Variants in PPP3CA observed in about 807,000 individuals in gnomAD.
PPP3CA encodes protein phosphatase 3 catalytic subunit alpha.
PPP3CA carries 14 observed loss-of-function variants against 66.5 expected under a neutral mutation model. That is an observed-to-expected ratio of 0.21 (90% CI 0.14 to 0.33). PPP3CA has a LOEUF of 0.33. PPP3CA is among the 10% of genes least tolerant of loss of function. PPP3CA has a pLI of 1.00. For synonymous variants in PPP3CA, 232 were observed against 226.2 expected (o/e 1.03, Z -0.23); for missense variants, 317 against 639.5 (o/e 0.50, Z 5.44).
chr4:101,231,012 A>G (rs1286677449), intron 1 of PPP3CA, among the ~76,000 whole-genome samples: 2 of 151,716 alleles, frequency 1.3e-5, no homozygotes, highest in African/African-American at 2.4e-5. Flanking sequence ...TCCAGGGTAC[A>G]CATGGGTATG....
chr4:101,285,128 C>A (rs1319695590), intron 1 of PPP3CA, among the ~76,000 whole-genome samples: 1 of 151,998 alleles, frequency 6.6e-6, no homozygotes, highest in African/African-American at 2.4e-5. Flanking sequence ...CTGTCTCACA[C>A]CTCAATGCAC....
chr4:101,342,048 C>T (rs967448055), intron 1 of PPP3CA, among the ~76,000 whole-genome samples: 1 of 152,048 alleles, frequency 6.6e-6, no homozygotes, highest in Non-Finnish European at 1.5e-5. Flanking sequence ...AGGCCAATTA[C>T]AAAAGTTATA....
chr4:101,341,999 C>T (rs1459777692), intron 1 of PPP3CA, among the ~76,000 whole-genome samples: 1 of 151,990 alleles, frequency 6.6e-6, no homozygotes, highest in Non-Finnish European at 1.5e-5. Flanking sequence ...TTCAAATTTA[C>T]ACATAGCTGA....
At chr4:101,070,209 A>G (rs1217220498) in intron 8 of PPP3CA, among the ~76,000 whole-genome samples, 2 of 152,164 alleles carry the variant, frequency 1.3e-5, no homozygotes, top group East Asian at 3.8e-4. Context: ...TATATCTGGC[A>G]TATGGTTGAT....
intron 2 of PPP3CA, among the ~76,000 whole-genome samples, chr4:101,163,567 T>G (rs1723590345): frequency 6.6e-6 from 1 of 152,158 alleles, no homozygotes; most frequent in Non-Finnish European, 1.5e-5. Flanking sequence ...TCTTCCAGGC[T>G]TAAATAACCA....
At chr4:101,062,271 T>C (rs6850799) in intron 9 of PPP3CA, among the ~76,000 whole-genome samples, 52,868 of 151,738 alleles carry the variant, frequency 0.35, 11,151 homozygotes, top group African/African-American at 0.58. Context: ...TTATCAGAGA[T>C]TATTAAAAAT....
At position 101,029,170 on chromosome 4, in the gene PPP3CA, A is replaced by G. The variant is rs1317947834; in HGVS notation, c.1365T>C (p.Asp455=). The change falls in exon 13 of 14, where the codon GAT becomes GAC. Residue 455 remains aspartate (D), a synonymous_variant. Transcript: ENST00000394854. ...AAAGGGGACTGGCCAATTTACCTTC[A>G]TCAGCCTCAATAGCCTCAACAGTAG... ...QSATVEAIEA[D]EAIKGFSPQH... 6.2e-7 allele frequency: 1 copy of G among 1,607,034 alleles called. No homozygotes were observed. The highest frequency in any genetic ancestry group is 8.5e-7 in the Non-Finnish European group (1 of 1,173,814).
At chr4:101,239,268 CA>C (rs776673736) in intron 1 of PPP3CA, among the ~76,000 whole-genome samples, 19 of 152,200 alleles carry the variant, frequency 1.2e-4, no homozygotes, top group Non-Finnish European at 2.4e-4. Flanking sequence ...TGCTTTTCAA[CA>C]AAATTTAAAC....
intron 10 of PPP3CA, among the ~76,000 whole-genome samples, chr4:101,041,437 T>C (rs1298367249): frequency 7.1e-6 from 1 of 141,344 alleles, no homozygotes; most frequent in Admixed American, 7.1e-5. Flanking sequence ...AAATTTTTTT[T>C]TTTTTTTTTT....
intron 3 of PPP3CA, among the ~76,000 whole-genome samples, chr4:101,103,296 A>G (rs1175043494): frequency 1.3e-5 from 2 of 152,204 alleles, no homozygotes; most frequent in Non-Finnish European, 2.9e-5. Context: ...GTACTGTGAA[A>G]CATTCCAATC....
At position 101,174,583 on chromosome 4, in the gene PPP3CA, TGTGC is replaced by T. The variant is rs1723994562; in HGVS notation, c.259+21329_259+21332del. Among the ~76,000 whole-genome samples the T allele has an allele frequency of 1.1e-4, 16 of 152,306 alleles. No homozygotes were observed. In the South Asian group the frequency reaches 3.3e-3, roughly 32 times the overall value. ...GGATGACAACAATATAAAGAATATGTGTGCAAACCTAAACACAAAATTATACATA... is the reference window on the plus strand; with the variant it reads ...GGATGACAACAATATAAAGAATATGTAAACCTAAACACAAAATTATACATA... On this transcript the variant is annotated intron_variant, in intron 2 of 13. Coordinates refer to ENST00000394854, the MANE Select transcript of PPP3CA (RefSeq NM_000944.5).
intron 1 of PPP3CA, among the ~76,000 whole-genome samples, chr4:101,321,643 CA>C (rs1729044682): frequency 1.3e-5 from 2 of 152,150 alleles, no homozygotes; most frequent in Admixed American, 1.3e-4. Flanking sequence ...TGGCATAAAA[CA>C]AGGGAACCCT....
chr4:101,098,267 T>C, intron 5 of PPP3CA, 100 bp downstream of exon 5: 1 of 1,282,152 alleles, frequency 7.8e-7, no homozygotes, highest in Non-Finnish European at 1.0e-6. Context: ...TTATTTGAAC[T>C]CAAAAGAATA....
At chr4:101,164,733 G>A (rs1723635828) in intron 2 of PPP3CA, among the ~76,000 whole-genome samples, 2 of 152,192 alleles carry the variant, frequency 1.3e-5, no homozygotes, top group Non-Finnish European at 2.9e-5. Context: ...ACAGCAGAGA[G>A]AGGGCAGTGA....
At position 101,262,409 on chromosome 4, in the gene PPP3CA, T is replaced by G. The variant is rs186521581; in HGVS notation, c.59-66293A>C. 5.0e-3 allele frequency among the ~76,000 whole-genome samples: 759 copies of G among 152,298 alleles called. 6 individuals carry two copies. The highest frequency in any genetic ancestry group is 0.017 in the African/African-American group (713 of 41,568). On this transcript the variant is annotated intron_variant, in intron 1 of 13. Coordinates refer to ENST00000394854, the MANE Select transcript of PPP3CA (RefSeq NM_000944.5). ...TATAATTATTTACATTATTGAAATC[T>G]TTAATTTGTATTTATTTTTTGTCTG...
chr4:101,072,403 T>C (rs971700921), intron 8 of PPP3CA, among the ~76,000 whole-genome samples: 2 of 152,106 alleles, frequency 1.3e-5, no homozygotes, highest in Non-Finnish European at 2.9e-5. Flanking sequence ...TATATGGGCA[T>C]GTGGGCTCTG....
At chr4:101,242,214 C>T (rs887467546) in intron 1 of PPP3CA, among the ~76,000 whole-genome samples, 2 of 151,942 alleles carry the variant, frequency 1.3e-5, no homozygotes, top group Admixed American at 1.3e-4. Context: ...GGTTTATTTA[C>T]TAATGACTGC....
intron 1 of PPP3CA, among the ~76,000 whole-genome samples, chr4:101,215,189 ATATATTACATTTACCAAATG>A (rs1446651418): frequency 1.3e-5 from 2 of 151,892 alleles, no homozygotes; most frequent in African/African-American, 4.8e-5. Context: ...TCACAGTGTT[ATATATTACATTTACCAAATG>A]TAGTATGTGC....
intron 3 of PPP3CA, among the ~76,000 whole-genome samples, chr4:101,105,475 TA>T (rs200799334): frequency 1.6e-3 from 220 of 141,374 alleles, no homozygotes; most frequent in Middle Eastern, 3.6e-3. Flanking sequence ...CATCTTTACT[TA>T]AAAAAAAAAA....
Sources: gnomAD v4.1 joint callset for allele counts (sites outside exome capture counted in the v4.1 genomes callset) on GRCh38, gnomAD v4.1.1 for gene constraint, MANE v1.5 for transcripts, NCBI Gene and HGNC (gene_info 2026-07-23, HGNC 2026-07-21) for gene names.